DIAPH2: variants seen among roughly 807,000 people sequenced by gnomAD.
The protein encoded by DIAPH2 is diaphanous related formin 2.
A neutral mutation model predicts 92.7 loss-of-function variants in DIAPH2; 35 were observed. That is an observed-to-expected ratio of 0.38 (90% CI 0.29 to 0.50). The LOEUF is 0.50. Ranked by LOEUF, DIAPH2 falls within the 20% of genes least tolerant of loss-of-function variation. The probability of loss-of-function intolerance (pLI) is 0.94; values close to 1 mark genes in which losing one functional copy is unlikely to be tolerated. For synonymous variants in DIAPH2, 301 were observed against 280.4 expected (o/e 1.07, Z -0.73); for missense variants, 701 against 819.5 (o/e 0.86, Z 1.77).
chrX:96,907,098 C>G (rs1265066111), intron 5 of DIAPH2, among the ~76,000 whole-genome samples: 1 of 111,951 alleles, frequency 8.9e-6, no homozygotes, highest in Non-Finnish European at 1.9e-5. Context: ...TAACTTATAA[C>G]ACAAAATCAC....
At chrX:96,791,960 G>A (rs935079338) in intron 4 of DIAPH2, among the ~76,000 whole-genome samples, 2 of 110,976 alleles carry the variant, frequency 1.8e-5, no homozygotes, top group African/African-American at 6.6e-5. Context: ...GCTATACTGT[G>A]CTGCTTCCTA....
At chrX:96,755,191 T>TCA (rs2064219143) in intron 3 of DIAPH2, among the ~76,000 whole-genome samples, 1 of 111,223 alleles carries the variant, frequency 9.0e-6, no homozygotes, top group African/African-American at 3.3e-5. Context: ...AAAGGTCATG[T>TCA]ATATATACAC....
At chrX:97,591,815 AC>A (rs1166917148) in intron 26 of DIAPH2, among the ~76,000 whole-genome samples, 7 of 112,169 alleles carry the variant, frequency 6.2e-5, no homozygotes, top group Non-Finnish European at 9.4e-5. Context: ...AATCTGTCTT[AC>A]GACCCAATTG....
chrX:97,110,092 A>C (rs1321827944), intron 20 of DIAPH2, among the ~76,000 whole-genome samples: 4 of 112,284 alleles, frequency 3.6e-5, no homozygotes, highest in African/African-American at 1.3e-4. Context: ...AATTTTGTTG[A>C]ATAGACAATT....
chrX:96,958,121 G>C lies in DIAPH2; in HGVS notation c.1908G>C (p.Val636=), dbSNP rs20389. 4.4e-3 allele frequency: 5,332 copies of C among 1,205,015 alleles called. 127 individuals carry two copies. The African/African-American group carries it at 0.078, about 18-fold the overall frequency. The change falls in exon 16 of 27, where the codon GTG becomes GTC. Residue 636 remains valine (V), a synonymous_variant. Coordinates refer to ENST00000324765, the MANE Select transcript of DIAPH2 (RefSeq NM_006729.5). Reference sequence around the variant, plus strand: ...AGAAAAAAATGTATAAACCTGAAGTGTCCATGAAGAGAATCAATTGGTCAA... The same window carrying C: ...AGAAAAAAATGTATAAACCTGAAGTCTCCATGAAGAGAATCAATTGGTCAA... ...MKQKKMYKPE[V]SMKRINWSKI...
intron 26 of DIAPH2, among the ~76,000 whole-genome samples, chrX:97,549,661 A>G (rs896970358): frequency 1.8e-5 from 2 of 111,338 alleles, no homozygotes; most frequent in African/African-American, 6.5e-5. Context: ...TTTAAATTTT[A>G]TCAGTTCTCC....
chrX:96,894,553 G>A (rs1337442889), intron 5 of DIAPH2, among the ~76,000 whole-genome samples: 4 of 111,421 alleles, frequency 3.6e-5, no homozygotes, highest in East Asian at 2.8e-4. Context: ...TTTGAGGTTC[G>A]CATTATGAGC....
intron 26 of DIAPH2, among the ~76,000 whole-genome samples, chrX:97,516,168 T>A (rs1168961848): frequency 9.1e-6 from 1 of 109,946 alleles, no homozygotes; most frequent in East Asian, 2.9e-4. Context: ...GGCAGGAGAA[T>A]CGCTGGAACC....
intron 22 of DIAPH2, among the ~76,000 whole-genome samples, chrX:97,172,652 T>G (rs2147454103): frequency 8.9e-6 from 1 of 112,500 alleles, no homozygotes; most frequent in South Asian, 3.7e-4. Context: ...GTTTAAATTT[T>G]CTTTACATTT....
chrX:96,839,914 T>C (rs1190103524), intron 4 of DIAPH2, among the ~76,000 whole-genome samples: 2 of 112,090 alleles, frequency 1.8e-5, no homozygotes, highest in Non-Finnish European at 3.8e-5. Flanking sequence ...TGTAAAAATT[T>C]CATCTAGAGC....
At chrX:97,359,764 G>C (rs946623753) in intron 24 of DIAPH2, among the ~76,000 whole-genome samples, 4 of 108,345 alleles carry the variant, frequency 3.7e-5, no homozygotes, top group African/African-American at 1.3e-4. Context: ...TTTTAGTAGA[G>C]ATGGGGTTTC....
intron 26 of DIAPH2, among the ~76,000 whole-genome samples, chrX:97,577,349 A>G (rs1390120037): frequency 8.9e-6 from 1 of 112,574 alleles, no homozygotes; most frequent in Non-Finnish European, 1.9e-5. Flanking sequence ...TGGCTATTTA[A>G]TATCGAGAAA....
chrX:97,364,761 T>TTTTTTTTGTTTG (rs2069362902), intron 24 of DIAPH2, among the ~76,000 whole-genome samples: 1 of 6,010 alleles, frequency 1.7e-4, no homozygotes, highest in African/African-American at 2.1e-4. Flanking sequence ...CTCCTGGTGT[T>TTTTTTTTGTTTG]TTTTTTTTTT....
intron 22 of DIAPH2, among the ~76,000 whole-genome samples, chrX:97,193,666 G>A (rs2067674687): frequency 8.9e-6 from 1 of 111,858 alleles, no homozygotes; most frequent in Non-Finnish European, 1.9e-5. Context: ...ATGCTGACAA[G>A]TTGAATGGAA....
intron 25 of DIAPH2, among the ~76,000 whole-genome samples, chrX:97,407,856 C>T (rs1323228217): frequency 9.0e-6 from 1 of 111,558 alleles, no homozygotes; most frequent in East Asian, 2.8e-4. Flanking sequence ...TATCAAAGAA[C>T]TGCAAAGGTC....
intron 17 of DIAPH2, among the ~76,000 whole-genome samples, chrX:97,016,806 G>T (rs1411086065): frequency 8.9e-6 from 1 of 112,400 alleles, no homozygotes; most frequent in Admixed American, 9.4e-5. Flanking sequence ...GTATATCATT[G>T]CTTACATCAT....
chrX:97,339,108 A>G (rs1348682773), intron 23 of DIAPH2, among the ~76,000 whole-genome samples: 3 of 112,010 alleles, frequency 2.7e-5, no homozygotes, highest in Non-Finnish European at 5.6e-5. Context: ...AGAAATTCAT[A>G]TATAGTCACA....
intron 4 of DIAPH2, among the ~76,000 whole-genome samples, chrX:96,879,753 G>A (rs1281256904): frequency 6.3e-5 from 7 of 110,357 alleles, no homozygotes; most frequent in African/African-American, 2.3e-4. Flanking sequence ...TGGAGGAGAC[G>A]GAGTCTTGCT....
intron 23 of DIAPH2, among the ~76,000 whole-genome samples, chrX:97,333,305 T>C (rs763640277): frequency 1.8e-5 from 2 of 111,668 alleles, no homozygotes; most frequent in African/African-American, 3.2e-5. Context: ...CCTATATACT[T>C]CAACTGCCTA....
Sources: gnomAD v4.1 joint callset for allele counts (sites outside exome capture counted in the v4.1 genomes callset) on GRCh38, gnomAD v4.1.1 for gene constraint, MANE v1.5 for transcripts, NCBI Gene and HGNC (gene_info 2026-07-23, HGNC 2026-07-21) for gene names.